The following ZNF438 variants were observed in gnomAD, a reference collection of about 807,000 sequenced individuals.
ZNF438 encodes the protein zinc finger protein 438.
In ZNF438, 25 loss-of-function variants were observed where a neutral mutation model predicts 38.0. The ratio of observed to expected loss-of-function variants is 0.66; its 90% CI spans 0.48 to 0.92. The LOEUF (loss-of-function observed/expected upper bound fraction) is 0.92, where lower values mean the gene tolerates loss of function less well. Among genes scored for constraint, ZNF438 ranks in the 40% least tolerant of loss-of-function variants. The pLI is 0.00. For synonymous variants in ZNF438, 372 were observed against 364.1 expected, an observed-to-expected ratio of 1.02 and a Z score of -0.25; for missense variants, 1,007 against 999.6, an observed-to-expected ratio of 1.01 and a Z score of -0.10.
At chr10:30,883,856 C>T (rs1215894260) in intron 3 of ZNF438, among the ~76,000 whole-genome samples, 1 of 152,142 alleles carries the variant, frequency 6.6e-6, no homozygotes, top group African/African-American at 2.4e-5. Flanking sequence ...ACTGCACGCA[C>T]TCCAGACTAA....
In ZNF438 at chr10:30,844,661, C is replaced by G. The variant is rs16915499; in HGVS notation, c.*300G>C. On this transcript the variant is annotated 3_prime_UTR_variant, in exon 6 of 6. Transcript: ENST00000413025. ...TTCACTGAGAGCTGTATTTGAAGAACAGCCTATATTCTGCTAAATTTCAAT... is the reference window on the plus strand; with the variant it reads ...TTCACTGAGAGCTGTATTTGAAGAAGAGCCTATATTCTGCTAAATTTCAAT... 3.0e-3 allele frequency: 787 copies of G among 266,432 alleles called. 7 individuals are homozygous for G. The highest frequency in any genetic ancestry group is 0.016 in the African/African-American group (728 of 44,976). 16.5% of individuals were successfully genotyped at this position (266,432 alleles called of 1,614,324 possible). A position where few individuals can be genotyped will look rare whatever the true frequency, so the allele number is the denominator to read the frequency against.
chr10:30,900,079 G>T (rs2041807290), intron 3 of ZNF438, among the ~76,000 whole-genome samples: 1 of 152,040 alleles, frequency 6.6e-6, no homozygotes, highest in South Asian at 2.1e-4. Flanking sequence ...TACCATCTGT[G>T]TCATAACTAC....
At chr10:30,987,327 A>G (rs1027735249) in intron 1 of ZNF438, among the ~76,000 whole-genome samples, 9 of 151,876 alleles carry the variant, frequency 5.9e-5, no homozygotes, top group African/African-American at 2.2e-4. Flanking sequence ...CTCAAAAAAA[A>G]AAAAAAAACT....
At chr10:30,940,289 A>G (rs147508768) in intron 2 of ZNF438, among the ~76,000 whole-genome samples, 64 of 152,352 alleles carry the variant, frequency 4.2e-4, no homozygotes, top group African/African-American at 1.4e-3. Context: ...GGGAGATAAG[A>G]CAAACATAAA....
chr10:30,877,348 C>T (rs1220356066), intron 3 of ZNF438, among the ~76,000 whole-genome samples: 1 of 152,068 alleles, frequency 6.6e-6, no homozygotes, highest in African/African-American at 2.4e-5. Context: ...TGTAAGTAGG[C>T]AAAGTTAGGA....
intron 2 of ZNF438, among the ~76,000 whole-genome samples, chr10:30,937,541 C>T (rs560735300): frequency 2.7e-4 from 41 of 152,178 alleles, no homozygotes; most frequent in African/African-American, 8.2e-4. Context: ...ATGAGTTAGA[C>T]GGGTACATGA....
At chr10:30,992,798 G>T (rs1266441084) in intron 1 of ZNF438, among the ~76,000 whole-genome samples, 1 of 152,186 alleles carries the variant, frequency 6.6e-6, no homozygotes, top group Non-Finnish European at 1.5e-5. Context: ...GCCTCAGATG[G>T]AAATGAGGAG....
intron 1 of ZNF438, among the ~76,000 whole-genome samples, chr10:31,021,235 C>T (rs986565295): frequency 7.2e-5 from 11 of 152,020 alleles, no homozygotes; most frequent in African/African-American, 2.7e-4. Flanking sequence ...AAAGAAATTA[C>T]ACCAAAAACT....
chr10:30,880,249 G>A (rs1370197694), intron 3 of ZNF438, among the ~76,000 whole-genome samples: 3 of 151,936 alleles, frequency 2.0e-5, no homozygotes, highest in Non-Finnish European at 4.4e-5. Context: ...TGACCAACAT[G>A]GAGAAACCCT....
At position 31,012,352 on chromosome 10, in the gene ZNF438, T is replaced by C. The variant is rs138105251; in HGVS notation, c.-192+19481A>G. 1.0e-2 allele frequency among the ~76,000 whole-genome samples: 1,516 copies of C among 152,206 alleles called. 19 individuals are homozygous for C. Among genetic ancestry groups the C allele is most frequent in the African/African-American group, 0.034 (1,408 of 41,520 alleles). ...GTTAGCCAGGATGGTCTCGATCTCC[T>C]GACCTTGTGATCCGCCCACCTCGGC... On this transcript the variant is annotated intron_variant, in intron 1 of 5. Coordinates refer to ENST00000413025, the Ensembl canonical transcript of ZNF438.
intron 4 of ZNF438, among the ~76,000 whole-genome samples, chr10:30,871,220 C>T (rs1485234708): frequency 3.9e-5 from 6 of 151,952 alleles, no homozygotes; most frequent in African/African-American, 1.5e-4. Context: ...TTTTATTTTC[C>T]CCCCTTTGCT....
intron 2 of ZNF438, among the ~76,000 whole-genome samples, chr10:30,938,846 G>A (rs1262655486): frequency 6.6e-6 from 1 of 151,948 alleles, no homozygotes; most frequent in African/African-American, 2.4e-5. Flanking sequence ...CCAGGCTGGA[G>A]TGCAGTGGCA....
At chr10:30,984,640 A>C (rs2052574586) in intron 1 of ZNF438, among the ~76,000 whole-genome samples, 1 of 152,230 alleles carries the variant, frequency 6.6e-6, no homozygotes, top group African/African-American at 2.4e-5. Flanking sequence ...AAAAGTTTTA[A>C]GATAAATAGA....
chr10:30,856,224 C>T (rs754810053), intron 4 of ZNF438, among the ~76,000 whole-genome samples: 8 of 152,132 alleles, frequency 5.3e-5, no homozygotes, highest in Non-Finnish European at 5.9e-5. Flanking sequence ...CATAACTATC[C>T]ACCAAAGTTA....
intron 1 of ZNF438, among the ~76,000 whole-genome samples, chr10:31,002,014 A>G (rs1275175748): frequency 1.3e-5 from 2 of 152,250 alleles, no homozygotes; most frequent in Non-Finnish European, 2.9e-5. Flanking sequence ...AACAGAAAGA[A>G]GAGGGGAAGG....
chr10:30,987,319 CAAA>C (rs367636159), intron 1 of ZNF438, among the ~76,000 whole-genome samples: 1 of 102,932 alleles, frequency 9.7e-6, no homozygotes. Flanking sequence ...ACCCCTGTCT[CAAA>C]AAAAAAAAAA....
chr10:30,956,407 T>C (rs902912468), intron 1 of ZNF438, among the ~76,000 whole-genome samples: 1 of 152,228 alleles, frequency 6.6e-6, no homozygotes, highest in African/African-American at 2.4e-5. Flanking sequence ...ATTCTGATAC[T>C]TGTCATTTTT....
intron 3 of ZNF438, among the ~76,000 whole-genome samples, chr10:30,897,615 G>A (rs1343446647): frequency 6.6e-6 from 1 of 152,236 alleles, no homozygotes; most frequent in Non-Finnish European, 1.5e-5. Context: ...GGTTAACCCA[G>A]TGGTTCCAGA....
At chr10:31,026,212 T>C (rs1432177016) in intron 1 of ZNF438, among the ~76,000 whole-genome samples, 2 of 152,216 alleles carry the variant, frequency 1.3e-5, no homozygotes, top group South Asian at 4.1e-4. Flanking sequence ...CCAAAAGCAA[T>C]GGCAACAAAA....
Sources: allele counts gnomAD v4.1 joint callset (sites outside exome capture counted in the v4.1 genomes callset), GRCh38; gene constraint gnomAD v4.1.1; transcripts MANE v1.5; gene names NCBI Gene and HGNC (gene_info 2026-07-23, HGNC 2026-07-21).